PTPRT: variants seen among roughly 807,000 people sequenced by gnomAD.
PTPRT encodes the protein receptor-type tyrosine-protein phosphatase T.
A neutral mutation model predicts 176.8 loss-of-function variants in PTPRT; 56 were observed. That is an observed-to-expected ratio of 0.32 (90% confidence interval 0.26 to 0.40). The LOEUF is 0.40. PTPRT is among the 10% of genes least tolerant of loss of function. The pLI is 1.00. For synonymous variants in PTPRT, 783 were observed against 739.0 expected, an observed-to-expected ratio of 1.06 and a Z score of -0.96; for missense variants, 1,540 against 1,908.2, an observed-to-expected ratio of 0.81 and a Z score of 3.60.
intron 1 of PTPRT, among the ~76,000 whole-genome samples, chr20:42,937,412 T>C (rs1006740071): frequency 2.0e-5 from 3 of 152,232 alleles, no homozygotes; most frequent in African/African-American, 4.8e-5. Flanking sequence ...GGGAATCTGT[T>C]TACTACTGCA....
chr20:42,363,065 C>T lies in PTPRT; in HGVS notation c.1561-10780G>A, dbSNP rs536148548. On this transcript the variant is annotated intron_variant, in intron 9 of 30. Transcript: ENST00000373187. Reference sequence around the variant, plus strand: ...ACTGCAGTGAGCTGAGATCACACCACTGCACTCCAGCCTGGGCGACAGAGC... The same window carrying T: ...ACTGCAGTGAGCTGAGATCACACCATTGCACTCCAGCCTGGGCGACAGAGC... Among the ~76,000 whole-genome samples, 9 of 128,168 alleles carry T rather than the reference C, an allele frequency of 7.0e-5. No homozygotes were observed. The South Asian group carries it at 2.4e-3, about 34-fold the overall frequency. 84.1% of individuals were successfully genotyped at this position (128,168 alleles called of 152,430 possible).
At chr20:42,099,546 C>CGGGGGGGGGGGGGGGGGG (rs59137378) in intron 26 of PTPRT, among the ~76,000 whole-genome samples, 1 of 28,898 alleles carries the variant, frequency 3.5e-5, no homozygotes, top group Non-Finnish European at 6.8e-5. Flanking sequence ...ATGGCCTGGG[C>CGGGGGGGGGGGGGGGGGG]GGGGGGGGGG....
chr20:42,942,152 T>C (rs1033543016), intron 1 of PTPRT, among the ~76,000 whole-genome samples: 15 of 152,118 alleles, frequency 9.9e-5, no homozygotes, highest in South Asian at 2.1e-4. Context: ...AGTCCACTGA[T>C]AGAAACCCGA....
At chr20:42,793,174 T>G (rs1014629012) in intron 2 of PTPRT, among the ~76,000 whole-genome samples, 1 of 152,192 alleles carries the variant, frequency 6.6e-6, no homozygotes, top group Non-Finnish European at 1.5e-5. Flanking sequence ...TTCGCCATCC[T>G]ACCAATGAGA....
intron 1 of PTPRT, among the ~76,000 whole-genome samples, chr20:42,900,064 C>T (rs1232163327): frequency 1.3e-5 from 2 of 152,200 alleles, no homozygotes; most frequent in African/African-American, 4.8e-5. Context: ...AATAACATCA[C>T]CCAAATATCA....
At chr20:42,925,605 T>C (rs562618052) in intron 1 of PTPRT, among the ~76,000 whole-genome samples, 1 of 152,276 alleles carries the variant, frequency 6.6e-6, no homozygotes, top group East Asian at 1.9e-4. Flanking sequence ...TAATGTCCCA[T>C]ATTTCGGGTG....
At chr20:42,659,428 T>C (rs1389683979) in intron 7 of PTPRT, among the ~76,000 whole-genome samples, 1 of 152,214 alleles carries the variant, frequency 6.6e-6, no homozygotes, top group Non-Finnish European at 1.5e-5. Flanking sequence ...CAGAATACCG[T>C]TACCTTGATA....
At chr20:42,906,131 G>A (rs1354321672) in intron 1 of PTPRT, among the ~76,000 whole-genome samples, 1 of 152,050 alleles carries the variant, frequency 6.6e-6, no homozygotes, top group Non-Finnish European at 1.5e-5. Context: ...GCTGCTGGAC[G>A]TCCAGAGGAA....
chr20:42,913,467 T>G (rs1978531078), intron 1 of PTPRT, among the ~76,000 whole-genome samples: 1 of 152,162 alleles, frequency 6.6e-6, no homozygotes, highest in South Asian at 2.1e-4. Context: ...ATTTTTTTTT[T>G]GTTTTTACAA....
intron 11 of PTPRT, among the ~76,000 whole-genome samples, chr20:42,337,116 T>C (rs1281005116): frequency 6.6e-6 from 1 of 152,134 alleles, no homozygotes; most frequent in African/African-American, 2.4e-5. Flanking sequence ...ATACTCACAA[T>C]TGATGCCACT....
In PTPRT at chr20:42,085,184, C is replaced by A. The variant is rs74583756; in HGVS notation, c.3973-339G>T. Among the ~76,000 whole-genome samples the A allele has an allele frequency of 8.7e-3, 1,328 of 152,252 alleles. 24 individuals carry two copies. The highest frequency in any genetic ancestry group is 0.03 in the African/African-American group (1,258 of 41,538). ...TGTGCCAGAACATGTCTCACTGTCT[C>A]AGTGGACAGTGAACTCTGAGCAGGG... On this transcript the variant is annotated intron_variant, in intron 28 of 30. Transcript: ENST00000373187.
At chr20:42,378,839 T>C (rs1335025505) in intron 9 of PTPRT, among the ~76,000 whole-genome samples, 1 of 152,224 alleles carries the variant, frequency 6.6e-6, no homozygotes, top group African/African-American at 2.4e-5. Flanking sequence ...AATGATTAAA[T>C]AATTCATGCA....
chr20:42,868,193 G>C (rs926436833), intron 2 of PTPRT, among the ~76,000 whole-genome samples: 1 of 152,156 alleles, frequency 6.6e-6, no homozygotes, highest in Non-Finnish European at 1.5e-5. Flanking sequence ...TTCTGGCAAA[G>C]GTTCAAAAGA....
chr20:42,047,456 A>G, the PTPRT span, among the ~76,000 whole-genome samples: 1 of 152,320 alleles, frequency 6.6e-6, no homozygotes, highest in Non-Finnish European at 1.5e-5. Flanking sequence ...TTCTGGTCCC[A>G]TAGCCAGTTC....
chr20:42,406,868 C>T (rs369871578), intron 9 of PTPRT, among the ~76,000 whole-genome samples: 14 of 152,080 alleles, frequency 9.2e-5, no homozygotes, highest in Admixed American at 7.9e-4. Context: ...ATGGGAAAAG[C>T]CATCTGGTTG....
At chr20:42,433,987 G>A (rs528525600) in intron 9 of PTPRT, among the ~76,000 whole-genome samples, 6 of 152,008 alleles carry the variant, frequency 3.9e-5, no homozygotes, top group African/African-American at 9.6e-5. Flanking sequence ...AAGTAAATAC[G>A]GTCCATATGT....
chr20:43,021,746 A>G (rs1283346846), intron 1 of PTPRT, among the ~76,000 whole-genome samples: 1 of 152,092 alleles, frequency 6.6e-6, no homozygotes, highest in Non-Finnish European at 1.5e-5. Context: ...AACAGAAACC[A>G]AATTAAATTA....
chr20:42,128,836 G>C lies in PTPRT; in HGVS notation c.2771-6C>G. 1 of 1,601,672 alleles carries C rather than the reference G, an allele frequency of 6.2e-7. No homozygotes were observed. Among genetic ancestry groups the C allele is most frequent in the South Asian group, 1.1e-5 (1 of 88,978 alleles). On this transcript the variant is annotated splice_polypyrimidine_tract_variant and splice_region_variant and intron_variant, in intron 18 of 30. Transcript: ENST00000373187. Reference sequence around the variant, plus strand: ...CCTCACCCGGGAATGGTCGTCTGCAGAGAGAGCAGAAATCAAGGGGATGGT... The same window carrying C: ...CCTCACCCGGGAATGGTCGTCTGCACAGAGAGCAGAAATCAAGGGGATGGT...
intron 16 of PTPRT, among the ~76,000 whole-genome samples, chr20:42,189,716 C>T (rs779378454): frequency 1.1e-4 from 16 of 152,270 alleles, no homozygotes; most frequent in African/African-American, 2.9e-4. Flanking sequence ...TTAAAGGCCA[C>T]GGGCCCAATT....
Sources: allele counts gnomAD v4.1 joint callset (sites outside exome capture counted in the v4.1 genomes callset), GRCh38; gene constraint gnomAD v4.1.1; transcripts MANE v1.5; gene names NCBI Gene and HGNC (gene_info 2026-07-23, HGNC 2026-07-21).